Variants in NAV2 observed in about 807,000 individuals in gnomAD.
NAV2 encodes the protein neuron navigator 2.
Under a neutral mutation model 223.2 loss-of-function variants are expected in NAV2, and 54 were observed. That is an observed-to-expected ratio of 0.24 (90% CI 0.19 to 0.30). The LOEUF is 0.30. Ranked by LOEUF, NAV2 falls within the 10% of genes least tolerant of loss-of-function variation. NAV2 has a pLI of 1.00. For missense variants in NAV2, 2,806 were observed against 3,147.5 expected (o/e 0.89, Z 2.60); for synonymous variants, 1,279 against 1,239.3 (o/e 1.03, Z -0.67).
intron 1 of NAV2, among the ~76,000 whole-genome samples, chr11:19,355,758 T>C (rs1853581341): frequency 6.6e-6 from 1 of 152,188 alleles, no homozygotes; most frequent in Non-Finnish European, 1.5e-5. Context: ...CTTACAGATG[T>C]TTTGTTTACC....
intron 35 of NAV2, among the ~76,000 whole-genome samples, chr11:20,106,708 T>C (rs550649755): frequency 6.6e-6 from 1 of 152,078 alleles, no homozygotes; most frequent in South Asian, 2.1e-4. Context: ...AATGGTGTGA[T>C]CTTGGCTCAC....
intron 1 of NAV2, among the ~76,000 whole-genome samples, chr11:19,500,410 T>A (rs1317523313): frequency 6.6e-6 from 1 of 152,214 alleles, no homozygotes; most frequent in African/African-American, 2.4e-5. Context: ...GGTAGTTTGT[T>A]ACATACTGTT....
intron 3 of NAV2, among the ~76,000 whole-genome samples, chr11:19,863,365 A>C (rs1255811761): frequency 6.6e-6 from 1 of 152,134 alleles, no homozygotes; most frequent in Non-Finnish European, 1.5e-5. Context: ...GGGTTCCAGA[A>C]TGTGGTATAT....
At chr11:19,419,948 G>C (rs935996298) in intron 1 of NAV2, among the ~76,000 whole-genome samples, 2 of 152,194 alleles carry the variant, frequency 1.3e-5, no homozygotes, top group African/African-American at 4.8e-5. Flanking sequence ...AATGAGCAAA[G>C]CCCTGGGTCA....
At chr11:19,585,453 G>A (rs2045864399) in intron 1 of NAV2, among the ~76,000 whole-genome samples, 1 of 152,148 alleles carries the variant, frequency 6.6e-6, no homozygotes, top group Admixed American at 6.5e-5. Flanking sequence ...CTCCTTAGTG[G>A]ATGCAGTTTC....
chr11:19,461,226 C>G (rs931337226), intron 1 of NAV2, among the ~76,000 whole-genome samples: 1 of 152,180 alleles, frequency 6.6e-6, no homozygotes, highest in East Asian at 1.9e-4. Flanking sequence ...ATTCCCTTCT[C>G]AGCCTGCACA....
intron 6 of NAV2, among the ~76,000 whole-genome samples, chr11:19,915,053 C>T (rs1339691697): frequency 2.0e-5 from 3 of 152,148 alleles, no homozygotes; most frequent in African/African-American, 7.2e-5. Flanking sequence ...CAGAACATAC[C>T]CTTAAGAGCT....
rs2134048564 is a variant in NAV2, at chr11:19,487,737, T to TC, written c.75+136713dup. 2.0e-5 allele frequency among the ~76,000 whole-genome samples: 3 copies of TC among 152,278 alleles called. No individual in the cohort carries two copies. The South Asian group carries it at 6.2e-4, about 32-fold the overall frequency. On this transcript the variant is annotated intron_variant, in intron 1 of 37. Transcript: ENST00000360655. ...GCAAGTGAGCTGGGAAGTGAATTTT[T>TC]CCCATTAAACTTTGACAGGGTTTAG...
At position 19,701,022 on chromosome 11, in the gene NAV2, G is replaced by A. The variant is rs528082650; in HGVS notation, c.76-131462G>A. 7.6e-4 allele frequency among the ~76,000 whole-genome samples: 116 copies of A among 152,176 alleles called. 1 individual carries two copies. The highest frequency in any genetic ancestry group is 5.1e-4 in the Non-Finnish European group (35 of 68,022). ...CTCACAAGAACTTTGTGAAATAGTCGTCATCATTCCTATTTTACTGTTGAA... is the reference window on the plus strand; with the variant it reads ...CTCACAAGAACTTTGTGAAATAGTCATCATCATTCCTATTTTACTGTTGAA... On this transcript the variant is annotated intron_variant, in intron 1 of 37. Transcript: ENST00000360655.
intron 1 of NAV2, among the ~76,000 whole-genome samples, chr11:19,622,448 G>C (rs1463887786): frequency 6.6e-6 from 1 of 152,138 alleles, no homozygotes; most frequent in Non-Finnish European, 1.5e-5. Context: ...TCCTGTATTG[G>C]GTTGGTATAT....
In NAV2 at chr11:20,045,591, C is replaced by T; in HGVS notation, c.3823C>T (p.Gln1275Ter). ...CNSVKVNPAA[Q>*]PVSSPAQTSL... ...CTCGGTGAAAGTGAATCCGGCAGCC[C>T]AGCCTGTGTCCAGTCCGGCTCAGAC... The change falls in exon 14 of 38, where the codon CAG (glutamine) becomes TAG (stop). Residue 1275 changes from glutamine (Q) to a stop codon, truncating the protein, a stop_gained. Coordinates refer to ENST00000349880, the MANE Select transcript of NAV2 (RefSeq NM_145117.5). LOFTEE classifies it high-confidence loss of function. 1 of 1,614,190 alleles carries T rather than the reference C, an allele frequency of 6.2e-7. No homozygotes were observed. Among genetic ancestry groups the T allele is most frequent in the Non-Finnish European group, 8.5e-7 (1 of 1,180,022 alleles).
chr11:20,025,738 A>G (rs1215342295), intron 11 of NAV2, among the ~76,000 whole-genome samples: 2 of 152,190 alleles, frequency 1.3e-5, no homozygotes, highest in African/African-American at 4.8e-5. Context: ...TCTCCACCTC[A>G]AATCACTGGC....
intron 1 of NAV2, among the ~76,000 whole-genome samples, chr11:19,530,875 C>T (rs1385978026): frequency 1.3e-5 from 2 of 152,194 alleles, no homozygotes; most frequent in African/African-American, 2.4e-5. Flanking sequence ...CCCACAGCCA[C>T]GAAGTAGTAT....
intron 1 of NAV2, among the ~76,000 whole-genome samples, chr11:19,685,187 T>A (rs889263799): frequency 6.6e-6 from 1 of 152,136 alleles, no homozygotes; most frequent in African/African-American, 2.4e-5. Context: ...TAGCTAGGCA[T>A]GTTTGGGTGG....
At chr11:19,555,726 T>C (rs2044863144) in intron 1 of NAV2, among the ~76,000 whole-genome samples, 1 of 152,166 alleles carries the variant, frequency 6.6e-6, no homozygotes, top group South Asian at 2.1e-4. Context: ...GGTTTGTATG[T>C]CCTGAAGACC....
Position 20,111,897 on chromosome 11 carries a change from A to G in NAV2, c.6961-2695A>G, listed in dbSNP as rs2062670593. Among the ~76,000 whole-genome samples the G allele has an allele frequency of 2.0e-5, 3 of 152,284 alleles. No homozygotes were observed. The South Asian group carries it at 6.2e-4, about 32-fold the overall frequency. ...AGAGATGAAGAGCAAATGTTTGAAA[A>G]CCATGGTGCCAGATAATCTCTGAGG... On this transcript the variant is annotated intron_variant, in intron 36 of 37. Transcript: ENST00000349880.
chr11:19,916,969 G>T (rs531645726), intron 6 of NAV2, among the ~76,000 whole-genome samples: 2 of 152,328 alleles, frequency 1.3e-5, no homozygotes, highest in East Asian at 3.9e-4. Flanking sequence ...TAGGAAATGG[G>T]TTATGGAACT....
At chr11:19,949,839 C>T (rs1408827700) in intron 10 of NAV2, among the ~76,000 whole-genome samples, 2 of 152,210 alleles carry the variant, frequency 1.3e-5, no homozygotes, top group African/African-American at 4.8e-5. Context: ...ATAATAGGAG[C>T]TCATAAATAT....
chr11:19,416,609 A>G (rs1245136587), intron 1 of NAV2, among the ~76,000 whole-genome samples: 1 of 152,234 alleles, frequency 6.6e-6, no homozygotes, highest in Non-Finnish European at 1.5e-5. Flanking sequence ...TAAATTTCAT[A>G]AGGAACCAAA....
Sources: gnomAD v4.1 joint callset for allele counts (sites outside exome capture counted in the v4.1 genomes callset) on GRCh38, gnomAD v4.1.1 for gene constraint, MANE v1.5 for transcripts, NCBI Gene and HGNC (gene_info 2026-07-23, HGNC 2026-07-21) for gene names.